The following ZFHX3 variants were observed in gnomAD, a reference collection of about 807,000 sequenced individuals.
ZFHX3 encodes zinc finger homeobox 3.
In ZFHX3, 42 loss-of-function variants were observed where a neutral mutation model predicts 279.1. That is an observed-to-expected ratio of 0.15 (90% CI 0.12 to 0.19). The LOEUF is 0.19. Among genes scored for constraint, ZFHX3 ranks in the 10% least tolerant of loss-of-function variants. The probability of loss-of-function intolerance (pLI) is 1.00; values close to 1 mark genes in which losing one functional copy is unlikely to be tolerated. For synonymous variants in ZFHX3, 2,293 were observed against 1,957.8 expected (o/e 1.17, Z -4.52); for missense variants, 4,981 against 4,754.0 (o/e 1.05, Z -1.40).
At chr16:73,621,231 G>T (rs148779234) in intron 2 of ZFHX3, among the ~76,000 whole-genome samples, 1 of 152,018 alleles carries the variant, frequency 6.6e-6, no homozygotes, top group Middle Eastern at 3.2e-3. Flanking sequence ...TTTCCCTTCC[G>T]CAGCGTTACC....
intron 3 of ZFHX3, among the ~76,000 whole-genome samples, chr16:73,451,450 A>G (rs528407530): frequency 2.6e-5 from 4 of 152,232 alleles, no homozygotes; most frequent in Non-Finnish European, 5.9e-5. Context: ...TCCTGTAGCC[A>G]GTATCTGAAG....
At chr16:72,879,937 A>G (rs1332215076) in intron 4 of ZFHX3, among the ~76,000 whole-genome samples, 1 of 152,172 alleles carries the variant, frequency 6.6e-6, no homozygotes, top group Non-Finnish European at 1.5e-5. Flanking sequence ...GCAAGGAAAG[A>G]GTCATGGTAA....
chr16:73,833,244 T>A (rs987769984), intron 1 of ZFHX3, among the ~76,000 whole-genome samples: 2 of 152,110 alleles, frequency 1.3e-5, no homozygotes, highest in Non-Finnish European at 2.9e-5. Context: ...ACACCTGTAG[T>A]CTTACCTACT....
intron 5 of ZFHX3, among the ~76,000 whole-genome samples, chr16:73,191,065 G>A (rs1333658127): frequency 2.0e-5 from 3 of 152,144 alleles, no homozygotes; most frequent in Non-Finnish European, 4.4e-5. Flanking sequence ...TGGCTGTGTG[G>A]TGGCTCTGCC....
intron 4 of ZFHX3, among the ~76,000 whole-genome samples, chr16:73,286,543 G>C (rs2014601776): frequency 6.6e-6 from 1 of 151,964 alleles, no homozygotes; most frequent in Non-Finnish European, 1.5e-5. Flanking sequence ...GTGTGTGGCT[G>C]TGTGGGTGTG....
chr16:72,849,401 T>C (rs2037557129), intron 4 of ZFHX3, among the ~76,000 whole-genome samples: 1 of 152,124 alleles, frequency 6.6e-6, no homozygotes, highest in Non-Finnish European at 1.5e-5. Context: ...CTGACTTCTC[T>C]CTCTGCCAGG....
In ZFHX3 at chr16:73,278,568, G is replaced by A. The variant is rs115781016; in HGVS notation, c.-1193-21432C>T. 4.9e-3 allele frequency among the ~76,000 whole-genome samples: 748 copies of A among 152,278 alleles called. 7 individuals carry two copies. The highest frequency in any genetic ancestry group is 0.017 in the African/African-American group (714 of 41,546). Reference sequence around the variant, plus strand: ...ACAAAGCTTCCACACTGTGTAAGGGGACCTGAGCGAGTAGGAGGTGCTGGC... The same window carrying A: ...ACAAAGCTTCCACACTGTGTAAGGGAACCTGAGCGAGTAGGAGGTGCTGGC... On this transcript the variant is annotated intron_variant, in intron 4 of 17. Coordinates refer to the ZFHX3 transcript ENST00000641206.
At chr16:72,922,819 A>T (rs770173758) in intron 3 of ZFHX3, among the ~76,000 whole-genome samples, 14 of 152,038 alleles carry the variant, frequency 9.2e-5, no homozygotes, top group Non-Finnish European at 1.9e-4. Flanking sequence ...AAACACCTTC[A>T]CTTTACAGCT....
chr16:73,138,498 G>A (rs1240413758), intron 6 of ZFHX3, among the ~76,000 whole-genome samples: 1 of 152,114 alleles, frequency 6.6e-6, no homozygotes, highest in Non-Finnish European at 1.5e-5. Flanking sequence ...GAGGCAGGGA[G>A]TGAAAGAAAA....
chr16:73,591,263 G>C lies in ZFHX3; in HGVS notation c.-1547+88917C>G, dbSNP rs562456662. Among the ~76,000 whole-genome samples, 3 of 152,174 alleles carry C rather than the reference G, an allele frequency of 2.0e-5. 1 individual carries two copies. Among genetic ancestry groups the C allele is most frequent in the African/African-American group, 7.2e-5 (3 of 41,540 alleles). On this transcript the variant is annotated intron_variant, in intron 2 of 17. Transcript: ENST00000641206. Reference sequence around the variant, plus strand: ...AGCTACTCAGGAGGCTGAGGCAGGAGAATTGCTTGAATCCAGGAGGCAGAG... The same window carrying C: ...AGCTACTCAGGAGGCTGAGGCAGGACAATTGCTTGAATCCAGGAGGCAGAG...
intron 4 of ZFHX3, among the ~76,000 whole-genome samples, chr16:73,277,730 C>T (rs190836441): frequency 8.5e-5 from 13 of 152,264 alleles, no homozygotes; most frequent in Admixed American, 8.5e-4. Flanking sequence ...TCTCGCATTG[C>T]TATAATACTC....
In ZFHX3 at chr16:73,597,124, C is replaced by G. The variant is rs182037348; in HGVS notation, c.-1547+83056G>C. On this transcript the variant is annotated intron_variant, in intron 2 of 17. Transcript: ENST00000641206. ...GTGTGCACCACCGATTTGCACCTCCCTGCCCTGGCTCAGGTTCTTTTCCAA... is the reference window on the plus strand; with the variant it reads ...GTGTGCACCACCGATTTGCACCTCCGTGCCCTGGCTCAGGTTCTTTTCCAA... 9.5e-3 allele frequency among the ~76,000 whole-genome samples: 1,448 copies of G among 152,308 alleles called. 8 individuals carry two copies. The highest frequency in any genetic ancestry group is 0.02 in the Middle Eastern group (6 of 294).
At chr16:73,591,007 G>A (rs1458847858) in intron 2 of ZFHX3, among the ~76,000 whole-genome samples, 3 of 152,156 alleles carry the variant, frequency 2.0e-5, no homozygotes, top group African/African-American at 4.8e-5. Context: ...ACAAGAGGGT[G>A]CAAACCGCAA....
At chr16:73,704,155 A>T (rs2053280884) in intron 1 of ZFHX3, among the ~76,000 whole-genome samples, 1 of 152,206 alleles carries the variant, frequency 6.6e-6, no homozygotes, top group Non-Finnish European at 1.5e-5. Context: ...TTCAGATTGA[A>T]CAATTCCAGA....
At chr16:72,940,312 G>C (rs895479326) in intron 3 of ZFHX3, among the ~76,000 whole-genome samples, 2 of 152,170 alleles carry the variant, frequency 1.3e-5, no homozygotes, top group African/African-American at 4.8e-5. Context: ...TGTTGACCCA[G>C]GGAACGAAGA....
intron 1 of ZFHX3, chr16:73,816,076 T>A (rs1484583777): frequency 6.6e-6 from 1 of 152,162 alleles, no homozygotes; most frequent in Non-Finnish European, 1.5e-5. Flanking sequence ...AGACCTGGAA[T>A]ATGGATCTAA....
chr16:73,312,734 G>A (rs184246552), intron 4 of ZFHX3, among the ~76,000 whole-genome samples: 17 of 152,300 alleles, frequency 1.1e-4, no homozygotes, highest in African/African-American at 3.9e-4. Context: ...TCCAGATGAG[G>A]AAATACAGGC....
chr16:73,542,854 G>C (rs1020926167), intron 2 of ZFHX3, among the ~76,000 whole-genome samples: 13 of 152,224 alleles, frequency 8.5e-5, no homozygotes, highest in South Asian at 2.1e-4. Context: ...AACCTTCAGA[G>C]CGTGTGTGTG....
At chr16:73,579,406 A>T (rs185803506) in intron 2 of ZFHX3, among the ~76,000 whole-genome samples, 47 of 152,296 alleles carry the variant, frequency 3.1e-4, no homozygotes, top group African/African-American at 1.1e-3. Context: ...AACTTTCTAA[A>T]TTGATTGAGA....
Sources: allele counts gnomAD v4.1 joint callset (sites outside exome capture counted in the v4.1 genomes callset), GRCh38; gene constraint gnomAD v4.1.1; transcripts MANE v1.5; gene names NCBI Gene and HGNC (gene_info 2026-07-23, HGNC 2026-07-21).